Variants in MTCL1 observed in about 807,000 individuals in gnomAD.
MTCL1 encodes microtubule cross-linking factor 1.
In MTCL1, 79 loss-of-function variants were observed where a neutral mutation model predicts 141.4. That is an observed-to-expected ratio of 0.56 (90% CI 0.47 to 0.67). The LOEUF (loss-of-function observed/expected upper bound fraction) is 0.67. Ranked by LOEUF, MTCL1 falls within the 30% of genes least tolerant of loss-of-function variation. The pLI, the probability that MTCL1 is intolerant of heterozygous loss-of-function variation, is 0.00. For synonymous variants in MTCL1, 914 were observed against 875.8 expected (o/e 1.04, Z -0.77); for missense variants, 2,177 against 2,113.9 (o/e 1.03, Z -0.59).
intron 13 of MTCL1, among the ~76,000 whole-genome samples, chr18:8,820,335 A>G (rs180809332): frequency 4.6e-3 from 706 of 152,114 alleles, no homozygotes; most frequent in Non-Finnish European, 7.5e-3. Context: ...GCGTGAACCC[A>G]GGAGGCGGAG....
At chr18:8,826,362 G>A in intron 15 of MTCL1, 130 bp downstream of exon 14, 1 of 934,238 alleles carries the variant, frequency 1.1e-6, no homozygotes, top group Non-Finnish European at 1.5e-6. Flanking sequence ...ATTGGGAGCT[G>A]GGGAGGTGTT....
intron 4 of MTCL1, among the ~76,000 whole-genome samples, chr18:8,768,615 C>T (rs2096470169): frequency 6.6e-6 from 1 of 152,060 alleles, no homozygotes; most frequent in African/African-American, 2.4e-5. Context: ...AAGAGGGCAA[C>T]ATTTTAATAT....
At chr18:8,825,896 G>T in exon 15 of MTCL1, 2 of 1,613,152 alleles carry the variant, frequency 1.2e-6, no homozygotes, top group Non-Finnish European at 1.7e-6. Context: ...CCTTCCAGAA[G>T]GGGCTGCGGG....
Position 8,740,539 on chromosome 18 carries a change from A to G in MTCL1, c.357+20043A>G, listed in dbSNP as rs535349999. Among the ~76,000 whole-genome samples the G allele has an allele frequency of 1.0e-3, 157 of 152,268 alleles. 1 individual carries two copies. The highest frequency in any genetic ancestry group is 3.7e-3 in the African/African-American group (154 of 41,546). ...GCTCTGTCACCCAGGCTGGAGTACA[A>G]TGGCACAATCCCAGCTCATTGCAAC... On this transcript the variant is annotated intron_variant, in intron 4 of 16. Transcript: ENST00000359865.
chr18:8,786,253 T>C, intron 7 of MTCL1, 162 bp downstream of exon 6: 1 of 841,014 alleles, frequency 1.2e-6, no homozygotes, highest in African/African-American at 1.7e-5. Flanking sequence ...TTTGTGGCAC[T>C]GGGACAGGCA....
intron 5 of MTCL1, chr18:8,782,792 C>A (rs1042061080): frequency 6.6e-6 from 1 of 152,230 alleles, no homozygotes; most frequent in East Asian, 1.9e-4. Context: ...TCTGCAGTAC[C>A]CAGTGTGTAC....
At chr18:8,757,709 T>C (rs1226371431) in intron 4 of MTCL1, among the ~76,000 whole-genome samples, 2 of 152,198 alleles carry the variant, frequency 1.3e-5, no homozygotes, top group African/African-American at 4.8e-5. Flanking sequence ...TTTGAGATTT[T>C]TTTTTCAGGA....
At chr18:8,786,154 G>C (rs1489582379) in intron 7 of MTCL1, 63 bp downstream of exon 6, 2 of 1,508,104 alleles carry the variant, frequency 1.3e-6, no homozygotes, top group Admixed American at 2.0e-5. Flanking sequence ...GTGGCTGGCT[G>C]TGTGACGTTT....
intron 10 of MTCL1, chr18:8,802,440 T>C (rs1319565998): frequency 3.9e-5 from 6 of 152,216 alleles, no homozygotes; most frequent in Non-Finnish European, 8.8e-5. Context: ...AGCTCTTTTG[T>C]GGAGCTGTGA....
chr18:8,814,097 A>G (rs1304382338), intron 12 of MTCL1, among the ~76,000 whole-genome samples: 1 of 152,220 alleles, frequency 6.6e-6, no homozygotes, highest in African/African-American at 2.4e-5. Context: ...CTCTATTTTA[A>G]ATACCCATAG....
intron 4 of MTCL1, among the ~76,000 whole-genome samples, chr18:8,747,005 C>T (rs983733593): frequency 6.6e-6 from 1 of 152,154 alleles, no homozygotes; most frequent in Non-Finnish European, 1.5e-5. Flanking sequence ...CACTGAGCAT[C>T]GTCACCTGGG....
chr18:8,772,679 T>A (rs1339149535), intron 4 of MTCL1, among the ~76,000 whole-genome samples: 1 of 151,440 alleles, frequency 6.6e-6, no homozygotes, highest in African/African-American at 2.4e-5. Context: ...ATAAAAAGTA[T>A]GTTATATCTT....
chr18:8,733,321 C>A (rs1037688848), intron 4 of MTCL1, among the ~76,000 whole-genome samples: 1 of 152,134 alleles, frequency 6.6e-6, no homozygotes, highest in African/African-American at 2.4e-5. Context: ...TGTATTGTTT[C>A]TGTAAACTAT....
At chr18:8,785,812 C>T in intron 6 of MTCL1, 124 bp from the exon 6 acceptor site, 1 of 1,184,220 alleles carries the variant, frequency 8.4e-7, no homozygotes, top group East Asian at 2.5e-5. Flanking sequence ...TCAGTCGTCT[C>T]CCTTGTCCAT....
At chr18:8,716,568 CA>C (rs1391676069), upstream of MTCL1, among the ~76,000 whole-genome samples, 214 of 108,834 alleles carry the variant, frequency 2.0e-3, 2 homozygotes, top group African/African-American at 7.0e-3. Context: ...TCTTTTTGTT[CA>C]TTTTTTTTTT....
intron 4 of MTCL1, among the ~76,000 whole-genome samples, chr18:8,762,817 G>A (rs2096439521): frequency 6.6e-6 from 1 of 152,228 alleles, no homozygotes; most frequent in African/African-American, 2.4e-5. Context: ...GGCTCTGCGG[G>A]ATAGGGCGGG....
chr18:8,749,322 G>A (rs1030368147), intron 4 of MTCL1, among the ~76,000 whole-genome samples: 2 of 152,222 alleles, frequency 1.3e-5, no homozygotes, highest in African/African-American at 2.4e-5. Flanking sequence ...TTAAGAGTTG[G>A]CCAGCCTGGG....
chr18:8,831,803 C>T (rs2077201661), exon 17 of MTCL1: 5 of 1,550,142 alleles, frequency 3.2e-6, no homozygotes, highest in Non-Finnish European at 3.5e-6. Context: ...CACCGAGATG[C>T]AAGCTTGCAT....
intron 1 of MTCL1, chr18:8,717,831 C>A: frequency 3.2e-6 from 3 of 924,004 alleles, no homozygotes; most frequent in Non-Finnish European, 2.6e-6. Context: ...GTGGGAAAGT[C>A]AGAATAGGTG....
Sources: gnomAD v4.1 joint callset for allele counts (sites outside exome capture counted in the v4.1 genomes callset) on GRCh38, gnomAD v4.1.1 for gene constraint, MANE v1.5 for transcripts, NCBI Gene and HGNC (gene_info 2026-07-23, HGNC 2026-07-21) for gene names.